PDLIM3: variants seen among roughly 807,000 people sequenced by gnomAD.
PDLIM3 encodes the protein PDZ and LIM domain protein 3.
Under a neutral mutation model 37.3 loss-of-function variants are expected in PDLIM3, and 36 were observed. The observed-to-expected ratio is 0.97, with a 90% CI of 0.74 to 1.28. PDLIM3 has a LOEUF of 1.28. PDLIM3 is among the 50% of genes most tolerant of loss of function. The pLI, the probability that PDLIM3 is intolerant of heterozygous loss-of-function variation, is 0.00. For missense variants in PDLIM3, 454 were observed against 485.0 expected, an observed-to-expected ratio of 0.94 and a Z score of 0.60; for synonymous variants, 174 against 182.4, an observed-to-expected ratio of 0.95 and a Z score of 0.37.
At chr4:185,503,408 C>T (rs1243635019) in intron 7 of PDLIM3, among the ~76,000 whole-genome samples, 1 of 152,154 alleles carries the variant, frequency 6.6e-6, no homozygotes, top group African/African-American at 2.4e-5. Flanking sequence ...CTCTCTGCTC[C>T]GAGCTCCCTG....
At chr4:185,507,264 T>C (rs1434191051) in intron 5 of PDLIM3, among the ~76,000 whole-genome samples, 1 of 152,242 alleles carries the variant, frequency 6.6e-6, no homozygotes, top group African/African-American at 2.4e-5. Flanking sequence ...ATATCTGCTA[T>C]AACTGACTGC....
At chr4:185,505,626 GAA>G (rs56912630) in intron 6 of PDLIM3, among the ~76,000 whole-genome samples, 4,881 of 147,724 alleles carry the variant, frequency 0.033, 263 homozygotes, top group African/African-American at 0.11. Flanking sequence ...TCTCAAAAAA[GAA>G]AAAAAAAAAA....
rs1438481810 is a variant in PDLIM3 at position 185,504,803 on chromosome 4, CTG to C, written c.794-219_794-218del. 2.0e-5 allele frequency among the ~76,000 whole-genome samples: 3 copies of C among 152,176 alleles called. No individual in the cohort carries two copies. The highest frequency in any genetic ancestry group is 4.4e-5 in the Non-Finnish European group (3 of 68,026). ...TTTATTTTGTTGTGGTTGGAGGAAA[CTG>C]TTACAAAAACGCTCAAAGGAGCAGA... On this transcript the variant is annotated intron_variant, in intron 6 of 7. Coordinates refer to ENST00000284767, the MANE Select transcript of PDLIM3 (RefSeq NM_014476.6). The surrounding 1 kb of genome is among the most constrained non-coding windows in gnomAD (Gnocchi z 4.7).
chr4:185,527,351 G>A (rs1049628888), intron 1 of PDLIM3, among the ~76,000 whole-genome samples: 6 of 152,114 alleles, frequency 3.9e-5, no homozygotes, highest in Admixed American at 6.5e-5. Flanking sequence ...ATCTAATTGC[G>A]GTTCTAAGGA....
At position 185,514,819 on chromosome 4, in the gene PDLIM3, G is replaced by C. The variant is rs1442555787; in HGVS notation, c.331-482C>G. 2 of 1,551,572 alleles carry C rather than the reference G, an allele frequency of 1.3e-6. No individual in the cohort carries two copies. Among genetic ancestry groups the C allele is most frequent in the Non-Finnish European group, 1.7e-6 (2 of 1,146,994 alleles). ...AGGAAGCGCTCACTACCTGTCTTTT[G>C]TCATCAATGTTTGCAGCTGCAACAA... On this transcript the variant is annotated intron_variant, in intron 3 of 7. Coordinates refer to ENST00000284767, the MANE Select transcript of PDLIM3 (RefSeq NM_014476.6). The surrounding 1 kb of genome is among the most constrained non-coding windows in gnomAD (Gnocchi z 4.0).
Position 185,514,319 on chromosome 4 carries a change from G to A in PDLIM3, c.349C>T (p.His117Tyr). 1.9e-6 allele frequency: 3 copies of A among 1,614,214 alleles called. No individual in the cohort carries two copies. Among genetic ancestry groups the A allele is most frequent in the Non-Finnish European group, 2.5e-6 (3 of 1,180,038 alleles). Reference sequence around the variant, plus strand: ...GGTTTGGGCCGAATATTATGCTTGTGTTCAAAGTAGTTCCCGTCCTGTGAA... The same window carrying A: ...GGTTTGGGCCGAATATTATGCTTGTATTCAAAGTAGTTCCCGTCCTGTGAA... ...SEPQDGNYFE[H>Y]KHNIRPKPFV... The change falls in exon 4 of 8, where the codon CAC becomes TAC. Residue 117 changes from histidine to tyrosine, a missense_variant. Transcript: ENST00000284767. The surrounding 1 kb of genome is among the most constrained non-coding windows in gnomAD (Gnocchi z 4.0).
At chr4:185,526,284 C>T (rs951351311) in intron 1 of PDLIM3, among the ~76,000 whole-genome samples, 18 of 152,312 alleles carry the variant, frequency 1.2e-4, no homozygotes, top group Middle Eastern at 6.8e-3. Flanking sequence ...GTCTCTTCTC[C>T]ACGAATGAAG....
intron 2 of PDLIM3, 67 bp downstream of exon 2, chr4:185,524,949 GTTAT>G: frequency 6.7e-7 from 1 of 1,495,668 alleles, no homozygotes; most frequent in Admixed American, 1.7e-5. Flanking sequence ...GGAGGATGAA[GTTAT>G]TTATAGTTCT....
At chr4:185,513,539 GAATTA>G (rs1450309519) in intron 4 of PDLIM3, 2 of 980,428 alleles carry the variant, frequency 2.0e-6, no homozygotes, top group Non-Finnish European at 2.4e-6. Flanking sequence ...TTAAACAAAA[GAATTA>G]AATAAAACAT....
intron 3 of PDLIM3, among the ~76,000 whole-genome samples, chr4:185,521,857 TG>T (rs1313299262): frequency 1.5e-5 from 1 of 65,930 alleles, no homozygotes; most frequent in African/African-American, 2.8e-5. Flanking sequence ...TATTGAGCTG[TG>T]GGCTATTTAT....
At chr4:185,519,034 G>C (rs144600861) in intron 3 of PDLIM3, among the ~76,000 whole-genome samples, 1 of 152,088 alleles carries the variant, frequency 6.6e-6, no homozygotes, top group South Asian at 2.1e-4. Context: ...TGTAAGCTTT[G>C]AAAAAGGACA....
chr4:185,505,636 A>T (rs1340692467), intron 6 of PDLIM3, among the ~76,000 whole-genome samples: 8 of 151,784 alleles, frequency 5.3e-5, no homozygotes, highest in Admixed American at 1.3e-4. Context: ...GAAAAAAAAA[A>T]AAATAAAGAA....
At chr4:185,529,992 T>C (rs897830186) in intron 1 of PDLIM3, among the ~76,000 whole-genome samples, 8 of 152,178 alleles carry the variant, frequency 5.3e-5, no homozygotes, top group South Asian at 4.1e-4. Flanking sequence ...TCTGGATAGG[T>C]TGTGTGATGG....
At chr4:185,503,172 C>T (rs552922769) in intron 7 of PDLIM3, among the ~76,000 whole-genome samples, 4 of 152,148 alleles carry the variant, frequency 2.6e-5, no homozygotes, top group East Asian at 1.9e-4. Context: ...TGCAGTGAGC[C>T]GAGATCGCGC....
chr4:185,508,221 T>A, intron 5 of PDLIM3, 78 bp downstream of exon 5: 2 of 1,356,064 alleles, frequency 1.5e-6, no homozygotes, highest in Non-Finnish European at 2.1e-6. Context: ...ATTAAGACAA[T>A]GTTAAAAGAC....
At chr4:185,520,231 C>T (rs896606620) in intron 3 of PDLIM3, among the ~76,000 whole-genome samples, 4 of 151,954 alleles carry the variant, frequency 2.6e-5, no homozygotes, top group East Asian at 1.9e-4. Context: ...ATAAACTGGC[C>T]GTGCAGAAAT....
At chr4:185,532,982 T>C (rs1489625639) in intron 1 of PDLIM3, among the ~76,000 whole-genome samples, 9 of 152,192 alleles carry the variant, frequency 5.9e-5, no homozygotes, top group Non-Finnish European at 1.3e-4. Flanking sequence ...CATTTTCACA[T>C]GTGGCCTTCA....
intron 3 of PDLIM3, chr4:185,515,625 G>A (rs542357967): frequency 6.6e-6 from 1 of 152,248 alleles, no homozygotes; most frequent in South Asian, 2.1e-4. Flanking sequence ...GTAATTCAGA[G>A]AGAGAAAATG....
chr4:185,515,462 A>C (rs971406132), intron 3 of PDLIM3: 6 of 152,244 alleles, frequency 3.9e-5, no homozygotes, highest in African/African-American at 1.4e-4. Flanking sequence ...ACTTGGATTA[A>C]GCTATAATCT....
Sources: allele counts gnomAD v4.1 joint callset (sites outside exome capture counted in the v4.1 genomes callset), GRCh38; gene constraint gnomAD v4.1.1; non-coding constraint Gnocchi (gnomAD v3.1); transcripts MANE v1.5; gene names NCBI Gene and HGNC (gene_info 2026-07-23, HGNC 2026-07-21).